SENP6: variants seen among roughly 807,000 people sequenced by gnomAD.
SENP6 encodes the protein SUMO specific peptidase 6.
SENP6 carries 41 observed loss-of-function variants against 134.5 expected under a neutral mutation model. That is an observed-to-expected ratio of 0.30 (90% CI 0.24 to 0.40). The LOEUF is 0.40. SENP6 is among the 10% of genes least tolerant of loss of function. The pLI, the probability that SENP6 is intolerant of heterozygous loss-of-function variation, is 1.00. For synonymous variants in SENP6, 395 were observed against 429.8 expected (o/e 0.92, Z 1.00); for missense variants, 1,248 against 1,312.5 (o/e 0.95, Z 0.76).
rs1771605969 is a variant in SENP6, at chr6:75,659,421, T to G, written c.696+14T>G. On this transcript the variant is annotated intron_variant, in intron 8 of 23. Coordinates refer to ENST00000447266, the MANE Select transcript of SENP6 (RefSeq NM_015571.4). ...ACCCATTTAGAGGTAAGTAGAGAAA[T>G]TATTCTTTGTTGCTAATCAGATTGT... 6.3e-7 allele frequency: 1 copy of G among 1,584,424 alleles called. No individual in the cohort carries two copies. Among genetic ancestry groups the G allele is most frequent in the African/African-American group, 1.4e-5 (1 of 73,912 alleles).
chr6:75,645,920 T>C (rs923389509), intron 6 of SENP6, among the ~76,000 whole-genome samples: 1 of 152,196 alleles, frequency 6.6e-6, no homozygotes, highest in Admixed American at 6.5e-5. Flanking sequence ...CTTGGTAAGA[T>C]TGTAGCTATC....
intron 10 of SENP6, among the ~76,000 whole-genome samples, chr6:75,668,075 G>A (rs1449148479): frequency 6.6e-6 from 1 of 151,932 alleles, no homozygotes; most frequent in South Asian, 2.1e-4. Flanking sequence ...TATTAAGATG[G>A]GAACCTTAAA....
chr6:75,662,489 A>G lies in SENP6; in HGVS notation c.697-732A>G, dbSNP rs1382322884. ...TACACTTAACATAAAATTTTTATGA[A>G]AATTTATTTACAGTATTCTCTACTA... On this transcript the variant is annotated intron_variant, in intron 8 of 23. Coordinates refer to ENST00000447266, the MANE Select transcript of SENP6 (RefSeq NM_015571.4). 3.9e-5 allele frequency among the ~76,000 whole-genome samples: 6 copies of G among 152,308 alleles called. No individual in the cohort carries two copies. In the East Asian group the frequency reaches 1.2e-3, roughly 29 times the overall value.
intron 16 of SENP6, among the ~76,000 whole-genome samples, chr6:75,681,565 C>T (rs892481501): frequency 2.6e-5 from 4 of 151,856 alleles, no homozygotes; most frequent in Admixed American, 2.6e-4. Flanking sequence ...TTCAAGCAGT[C>T]CTTCCACCTC....
intron 7 of SENP6, among the ~76,000 whole-genome samples, chr6:75,652,642 G>A (rs1371813758): frequency 8.3e-6 from 1 of 121,030 alleles, no homozygotes; most frequent in Non-Finnish European, 1.6e-5. Context: ...TTTGAAACCA[G>A]TCTGGCCAAC....
chr6:75,695,994 T>C (rs1774635469), intron 17 of SENP6, 71 bp downstream of exon 17: 1 of 1,368,802 alleles, frequency 7.3e-7, no homozygotes, highest in Non-Finnish European at 9.8e-7. Context: ...AATCACGTAC[T>C]TGAAAGAAAA....
At chr6:75,697,594 T>C in intron 18 of SENP6, 77 bp downstream of exon 18, 1 of 933,682 alleles carries the variant, frequency 1.1e-6, no homozygotes, top group East Asian at 2.5e-5. Context: ...GAGTATGAGG[T>C]GAAGAATTCA....
intron 16 of SENP6, among the ~76,000 whole-genome samples, chr6:75,690,678 GTTTTGGTTTTTTTGT>G (rs1774172863): frequency 6.7e-6 from 1 of 148,648 alleles, no homozygotes; most frequent in South Asian, 2.1e-4. Flanking sequence ...TTATATGTTT[GTTTTGGTTTTTTTGT>G]TTTTTGTTTT....
At chr6:75,703,925 T>G (rs980950167) in intron 19 of SENP6, among the ~76,000 whole-genome samples, 9 of 152,198 alleles carry the variant, frequency 5.9e-5, no homozygotes, top group Non-Finnish European at 8.8e-5. Flanking sequence ...TATTTTTATT[T>G]CATAGGAAAT....
intron 6 of SENP6, chr6:75,646,557 C>A (rs1309188576): frequency 6.6e-6 from 1 of 152,244 alleles, no homozygotes; most frequent in Non-Finnish European, 1.5e-5. Context: ...CTACTGTCAG[C>A]CGGGCGCGGT....
chr6:75,633,727 G>GT lies in SENP6; in HGVS notation c.353+2dup. 6.3e-7 allele frequency: 1 copy of GT among 1,596,280 alleles called. No individual in the cohort carries two copies. The highest frequency in any genetic ancestry group is 8.5e-7 in the Non-Finnish European group (1 of 1,174,586). The stretch of plus-strand genomic sequence containing the variant: ...TGTTGAGCAACAATAAGAAATTGAG[G>GT]TATAGGCACTTCACCACACATTCCT... On this transcript the variant is annotated splice_donor_variant, in intron 4 of 23. Transcript: ENST00000447266. LOFTEE classifies it high-confidence loss of function.
At chr6:75,626,389 T>C (rs913952134) in intron 3 of SENP6, among the ~76,000 whole-genome samples, 1 of 152,174 alleles carries the variant, frequency 6.6e-6, no homozygotes, top group South Asian at 2.1e-4. Flanking sequence ...GGAAAAACTA[T>C]ACACACTGTT....
intron 16 of SENP6, among the ~76,000 whole-genome samples, chr6:75,684,692 G>C (rs189312970): frequency 6.6e-6 from 1 of 152,150 alleles, no homozygotes; most frequent in Non-Finnish European, 1.5e-5. Flanking sequence ...TTATACGATG[G>C]ATTATGTTTA....
chr6:75,682,772 A>G (rs982302497), intron 16 of SENP6, among the ~76,000 whole-genome samples: 1 of 152,188 alleles, frequency 6.6e-6, no homozygotes, highest in Non-Finnish European at 1.5e-5. Flanking sequence ...TCCATGGTGT[A>G]TATGTGCCAC....
chr6:75,633,846 G>C, intron 4 of SENP6, 120 bp downstream of exon 4: 1 of 699,730 alleles, frequency 1.4e-6, no homozygotes, highest in South Asian at 2.8e-5. Flanking sequence ...ATAGGGCCAA[G>C]AGGTAGCATG....
chr6:75,703,178 G>A (rs1252268587), intron 19 of SENP6, 106 bp downstream of exon 19: 5 of 953,190 alleles, frequency 5.2e-6, no homozygotes, highest in Non-Finnish European at 7.9e-6. Flanking sequence ...GTTAATGACT[G>A]GGTGTGGTGG....
chr6:75,651,430 C>T (rs1269096053), intron 7 of SENP6, among the ~76,000 whole-genome samples: 1 of 152,204 alleles, frequency 6.6e-6, no homozygotes, highest in African/African-American at 2.4e-5. Context: ...TTATGGCTCA[C>T]TGCAGCCTCG....
At chr6:75,713,428 A>G in intron 21 of SENP6, 85 bp from the exon 22 acceptor site, 1 of 1,141,346 alleles carries the variant, frequency 8.8e-7, no homozygotes. Context: ...TTTAAATTTG[A>G]TTGTTTATAA....
rs1272017080 is a variant in SENP6 at position 75,646,835 on chromosome 6, C to CA, written c.480-880dup. The CA allele has an allele frequency of 4.5e-3, 392 of 86,250 alleles. 1 individual carries two copies. The highest frequency in any genetic ancestry group is 3.9e-3 in the Admixed American group (30 of 7,780). 5.3% of individuals were successfully genotyped at this position (86,250 alleles called of 1,614,324 possible). A position where few individuals can be genotyped will look rare whatever the true frequency, so the allele number is the denominator to read the frequency against. ...TGGGCGACAGAGCGAGACTCCGTCT[C>CA]AAAAAAAAAAAAAAAAGTAAGTACA... On this transcript the variant is annotated intron_variant, in intron 6 of 23. Transcript: ENST00000447266.
Sources: allele counts gnomAD v4.1 joint callset (sites outside exome capture counted in the v4.1 genomes callset), GRCh38; gene constraint gnomAD v4.1.1; transcripts MANE v1.5; gene names NCBI Gene and HGNC (gene_info 2026-07-23, HGNC 2026-07-21).